The following TENM3 variants were observed in gnomAD, a reference collection of about 807,000 sequenced individuals.
TENM3 encodes the protein teneurin transmembrane protein 3.
Under a neutral mutation model 255.1 loss-of-function variants are expected in TENM3, and 63 were observed. The observed-to-expected ratio is 0.25, with a 90% CI of 0.20 to 0.30. The LOEUF is 0.30. Among genes scored for constraint, TENM3 ranks in the 10% least tolerant of loss-of-function variants. TENM3 has a pLI of 1.00. For synonymous variants in TENM3, 1,306 were observed against 1,322.3 expected (o/e 0.99, Z 0.27); for missense variants, 2,929 against 3,461.1 (o/e 0.85, Z 3.86).
chr4:181,739,479 G>T, the TENM3 span, among the ~76,000 whole-genome samples: 1 of 152,010 alleles, frequency 6.6e-6, no homozygotes, highest in Non-Finnish European at 1.5e-5. Flanking sequence ...TTTCTTTTTG[G>T]TCCTTAGGTA....
intron 16 of TENM3, among the ~76,000 whole-genome samples, chr4:182,732,381 C>T (rs1561174176): frequency 6.6e-6 from 1 of 152,194 alleles, no homozygotes; most frequent in Non-Finnish European, 1.5e-5. Context: ...GTAGTTTTGA[C>T]AGAAAATATT....
At chr4:181,605,490 G>C in the TENM3 span, among the ~76,000 whole-genome samples, 121 of 7,336 alleles carry the variant, frequency 0.016, 5 homozygotes, top group African/African-American at 0.049. Context: ...GAGAAAGAAA[G>C]AAAGAAAGAA....
chr4:181,710,889 G>GA, the TENM3 span, among the ~76,000 whole-genome samples: 1,340 of 121,524 alleles, frequency 0.011, 8 homozygotes, highest in African/African-American at 0.027. Context: ...AGGAAAAAAA[G>GA]AAAAAAAAAA....
the TENM3 span, among the ~76,000 whole-genome samples, chr4:181,576,935 T>A: frequency 3.6e-5 from 5 of 137,306 alleles, no homozygotes; most frequent in East Asian, 1.1e-3. Context: ...TGCCTCAGCC[T>A]CCCAAGTAGC....
the TENM3 span, among the ~76,000 whole-genome samples, chr4:181,934,186 C>T: frequency 6.6e-6 from 1 of 152,140 alleles, no homozygotes; most frequent in Middle Eastern, 3.4e-3. Context: ...ACATGCCATA[C>T]CTCAGTTGAT....
intron 1 of TENM3, among the ~76,000 whole-genome samples, chr4:182,235,812 T>A (rs561986442): frequency 1.3e-5 from 2 of 152,348 alleles, no homozygotes; most frequent in South Asian, 4.1e-4. Flanking sequence ...TTGTGTTCAT[T>A]CAGGCAGTGA....
At chr4:182,442,343 G>C (rs1367200012) in intron 3 of TENM3, among the ~76,000 whole-genome samples, 2 of 152,070 alleles carry the variant, frequency 1.3e-5, no homozygotes, top group African/African-American at 4.8e-5. Context: ...TTTTGAAATG[G>C]TTGATATTAT....
chr4:182,178,064 C>G (rs1316701238), intron 1 of TENM3, among the ~76,000 whole-genome samples: 1 of 148,642 alleles, frequency 6.7e-6, no homozygotes, highest in Non-Finnish European at 1.5e-5. Context: ...TTATCAGCAA[C>G]CCCCTAGCCC....
intron 1 of TENM3, among the ~76,000 whole-genome samples, chr4:182,164,258 T>C (rs770271889): frequency 6.6e-5 from 10 of 152,186 alleles, no homozygotes; most frequent in Non-Finnish European, 1.5e-4. Context: ...AAACCTCATC[T>C]TTCCTGGGTG....
chr4:181,969,965 G>C, the TENM3 span, among the ~76,000 whole-genome samples: 2 of 152,192 alleles, frequency 1.3e-5, no homozygotes, highest in Non-Finnish European at 2.9e-5. Flanking sequence ...GCAAGGCTTT[G>C]AGAAATAGAG....
the TENM3 span, among the ~76,000 whole-genome samples, chr4:181,658,033 T>C: frequency 1.3e-5 from 2 of 152,068 alleles, no homozygotes; most frequent in Non-Finnish European, 2.9e-5. Context: ...AAACTACCTA[T>C]AGGGGACTTT....
the TENM3 span, chr4:182,012,626 T>G: frequency 6.6e-6 from 1 of 152,226 alleles, no homozygotes; most frequent in Admixed American, 6.5e-5. Flanking sequence ...TAACACTTTT[T>G]GGATCATTTT....
chr4:181,471,813 T>G, the TENM3 span, among the ~76,000 whole-genome samples: 1 of 152,170 alleles, frequency 6.6e-6, no homozygotes, highest in African/African-American at 2.4e-5. Flanking sequence ...AACCAAAGTT[T>G]TATGTAACAT....
chr4:181,646,804 C>T, the TENM3 span, among the ~76,000 whole-genome samples: 1 of 152,002 alleles, frequency 6.6e-6, no homozygotes, highest in East Asian at 1.9e-4. Context: ...TTTTATAATG[C>T]TTTATGAATT....
chr4:181,516,255 G>A, the TENM3 span, among the ~76,000 whole-genome samples: 3 of 151,880 alleles, frequency 2.0e-5, no homozygotes, highest in Non-Finnish European at 4.4e-5. Context: ...GCTAATGTAT[G>A]CAGGGCTTAA....
chr4:181,482,519 T>C, the TENM3 span, among the ~76,000 whole-genome samples: 2 of 152,202 alleles, frequency 1.3e-5, no homozygotes, highest in Non-Finnish European at 2.9e-5. Flanking sequence ...TTTGTGGAGA[T>C]ATGTATGATT....
chr4:182,556,594 T>C (rs183839817), intron 3 of TENM3, among the ~76,000 whole-genome samples: 5 of 152,356 alleles, frequency 3.3e-5, no homozygotes, highest in Admixed American at 1.3e-4. Context: ...TTATCTCTTA[T>C]AAGTTTTACT....
chr4:181,500,382 C>T, the TENM3 span, among the ~76,000 whole-genome samples: 9 of 151,230 alleles, frequency 6.0e-5, no homozygotes, highest in African/African-American at 1.9e-4. Flanking sequence ...TAGCCCTGAC[C>T]GGGGGATCGG....
the TENM3 span, among the ~76,000 whole-genome samples, chr4:181,556,597 A>G: frequency 6.6e-6 from 1 of 152,156 alleles, no homozygotes; most frequent in Admixed American, 6.6e-5. Context: ...ATGTGCATTC[A>G]TAGTAAAAGG....
Sources: allele counts gnomAD v4.1 joint callset (sites outside exome capture counted in the v4.1 genomes callset), GRCh38; gene constraint gnomAD v4.1.1; transcripts MANE v1.5; gene names NCBI Gene and HGNC (gene_info 2026-07-23, HGNC 2026-07-21).